Variants in CKM observed in about 807,000 individuals in gnomAD.
CKM encodes the protein creatine kinase, M-type, also known as creatine kinase M-type.
Under a neutral mutation model 35.4 loss-of-function variants are expected in CKM, and 28 were observed. The ratio of observed to expected loss-of-function variants is 0.79; its 90% CI spans 0.59 to 1.08. CKM has a LOEUF of 1.08. CKM is among the 50% of genes least tolerant of loss of function. The probability of loss-of-function intolerance (pLI) is 0.00; values close to 1 mark genes in which losing one functional copy is unlikely to be tolerated. For missense variants in CKM, 484 were observed against 509.8 expected (o/e 0.95, Z 0.49); for synonymous variants, 215 against 204.4 (o/e 1.05, Z -0.44).
chr19:45,317,853 T>C lies in CKM; in HGVS notation c.320A>G (p.Lys107Arg). 1 of 1,614,030 alleles carries C rather than the reference T, an allele frequency of 6.2e-7. No individual in the cohort carries two copies. Among genetic ancestry groups the C allele is most frequent in the Non-Finnish European group, 8.5e-7 (1 of 1,180,014 alleles). Reference protein sequence around the residue: ...HGGYKPTDKHKTDLNHENLKG... With the variant: ...HGGYKPTDKHRTDLNHENLKG... Reference sequence around the variant, plus strand: ...GAGGTTTTCATGGTTGAGGTCAGTCTTGTGCTTGTCAGTGGGTTTGTAGCC... The same window carrying C: ...GAGGTTTTCATGGTTGAGGTCAGTCCTGTGCTTGTCAGTGGGTTTGTAGCC... The change falls in exon 3 of 8, where the codon AAG becomes AGG. Residue 107 changes from lysine to arginine, a missense_variant. Coordinates refer to ENST00000221476, the MANE Select transcript of CKM (RefSeq NM_001824.5).
intron 1 of CKM, among the ~76,000 whole-genome samples, chr19:45,320,024 T>C (rs559487076): frequency 1.2e-4 from 18 of 151,770 alleles, no homozygotes; most frequent in African/African-American, 3.6e-4. Context: ...CTCCTGACCT[T>C]GTGATCCGCC....
At chr19:45,322,792 C>G in intron 1 of CKM, 29 bp downstream of exon 1, 1 of 984,456 alleles carries the variant, frequency 1.0e-6, no homozygotes, top group Non-Finnish European at 1.2e-6. Context: ...TACTCTGGCC[C>G]CCACCCAGAT....
At chr19:45,313,880 G>A (rs767083499) in intron 4 of CKM, among the ~76,000 whole-genome samples, 2 of 152,028 alleles carry the variant, frequency 1.3e-5, no homozygotes, top group Admixed American at 6.6e-5. Flanking sequence ...ATTACTGCTG[G>A]CCAGGCACTG....
intron 3 of CKM, among the ~76,000 whole-genome samples, chr19:45,317,262 C>T (rs1372142008): frequency 6.6e-6 from 1 of 152,112 alleles, no homozygotes; most frequent in Non-Finnish European, 1.5e-5. Flanking sequence ...CACGCGCCAC[C>T]ATGCCCAGCT....
At position 45,309,072 on chromosome 19, in the gene CKM, C is replaced by CA. The variant is rs201743646; in HGVS notation, c.654-541dup. Among the ~76,000 whole-genome samples the CA allele has an allele frequency of 8.6e-4, 129 of 149,262 alleles. 2 individuals carry two copies. In the South Asian group the frequency reaches 0.013, roughly 15 times the overall value. Reference sequence around the variant, plus strand: ...GAAACCCTGTCTCTACTAAAAAATACAAAAAAAAATCTGGGCATGGTGGCG... The same window carrying CA: ...GAAACCCTGTCTCTACTAAAAAATACAAAAAAAAAATCTGGGCATGGTGGCG... On this transcript the variant is annotated intron_variant, in intron 5 of 7. Coordinates refer to ENST00000221476, the MANE Select transcript of CKM (RefSeq NM_001824.5).
At position 45,306,666 on chromosome 19, in the gene CKM, G is replaced by T. The variant is rs370579433; in HGVS notation, c.*84C>A. On this transcript the variant is annotated 3_prime_UTR_variant, in exon 8 of 8. Transcript: ENST00000221476. The surrounding 1 kb of genome is among the most constrained non-coding windows in gnomAD (Gnocchi z 4.5). ...GTGGGACTCTGGGACAGGGGGCGGG[G>T]CGAGGAGTGAGGGAGCAGGACTCTG... The T allele has an allele frequency of 1.1e-4, 154 of 1,433,786 alleles. No individual in the cohort carries two copies. In the East Asian group the frequency reaches 1.2e-3, roughly 11 times the overall value. The allele number at this position is 1,433,786 out of a possible 1,614,324, so 88.8% of individuals were successfully genotyped here. A position where few individuals can be genotyped will look rare whatever the true frequency, so the allele number is the denominator to read the frequency against.
chr19:45,311,109 G>T (rs1971105645), intron 5 of CKM, among the ~76,000 whole-genome samples: 1 of 148,580 alleles, frequency 6.7e-6, no homozygotes, highest in Non-Finnish European at 1.5e-5. Context: ...GTAGCGACGT[G>T]GTCTCCCTAT....
chr19:45,306,660 G>T lies in CKM; in HGVS notation c.*90C>A. ...CCCCAGGTGGGACTCTGGGACAGGG[G>T]GCGGGGCGAGGAGTGAGGGAGCAGG... On this transcript the variant is annotated 3_prime_UTR_variant, in exon 8 of 8. Coordinates refer to ENST00000221476, the MANE Select transcript of CKM (RefSeq NM_001824.5). This position sits in a 1 kb window ranked among gnomAD's most constrained non-coding sequence, Gnocchi z 4.5. 7.2e-7 allele frequency: 1 copy of T among 1,386,446 alleles called. No homozygotes were observed. The highest frequency in any genetic ancestry group is 1.2e-5 in the South Asian group (1 of 85,618). 85.9% of individuals were successfully genotyped at this position (1,386,446 alleles called of 1,614,324 possible).
At chr19:45,322,690 G>A (rs17875641) in intron 1 of CKM, 131 bp downstream of exon 1, 36,049 of 479,766 alleles carry the variant, frequency 0.075, 1,602 homozygotes, top group Non-Finnish European at 0.085. Flanking sequence ...CCCACGCACC[G>A]ACCTGCCTTT....
At chr19:45,319,426 G>GCCC in intron 2 of CKM, 95 bp downstream of exon 2, 33 of 817,140 alleles carry the variant, frequency 4.0e-5, no homozygotes, top group Admixed American at 7.3e-5. Context: ...GAAAACTGAG[G>GCCC]CCCCCCCCCC....
chr19:45,315,494 C>T lies in CKM; in HGVS notation c.452G>A (p.Arg151His), dbSNP rs377002933. ...TLPPHCSRGE[R>H]RAVEKLSVEA... ...CACAGAGAGCTTCTCCACCGCCCGG[C>T]GCTCGCCACGGGAGCAGTGTGGGGG... The change falls in exon 4 of 8, where the codon CGC becomes CAC. Residue 151 changes from arginine (R) to histidine (H), a missense_variant. Transcript: ENST00000221476. The T allele has an allele frequency of 6.9e-6, 11 of 1,599,592 alleles. No homozygotes were observed. The highest frequency in any genetic ancestry group is 3.3e-5 in the South Asian group (3 of 91,020).
chr19:45,320,331 A>G (rs897225455), intron 1 of CKM, among the ~76,000 whole-genome samples: 2 of 138,428 alleles, frequency 1.4e-5, no homozygotes, highest in African/African-American at 2.7e-5. Flanking sequence ...TCCTGGCCTC[A>G]AGTGATCCAC....
intron 4 of CKM, among the ~76,000 whole-genome samples, chr19:45,315,163 A>C (rs1460983533): frequency 1.3e-5 from 2 of 152,106 alleles, no homozygotes; most frequent in Non-Finnish European, 2.9e-5. Context: ...AGGGACCCCT[A>C]TCTCCCCACA....
intron 4 of CKM, among the ~76,000 whole-genome samples, chr19:45,314,897 A>G (rs1971142467): frequency 6.6e-6 from 1 of 151,770 alleles, no homozygotes; most frequent in Non-Finnish European, 1.5e-5. Flanking sequence ...TTTTTTGTAG[A>G]GACAGGGTCT....
At chr19:45,310,277 A>T (rs372323593) in intron 5 of CKM, among the ~76,000 whole-genome samples, 27 of 151,500 alleles carry the variant, frequency 1.8e-4, no homozygotes, top group East Asian at 7.8e-4. Flanking sequence ...CCTGCCACCA[A>T]GCCCAGCTAA....
chr19:45,309,013 G>T (rs1478198950), intron 5 of CKM, among the ~76,000 whole-genome samples: 2 of 143,358 alleles, frequency 1.4e-5, no homozygotes, highest in Admixed American at 1.4e-4. Flanking sequence ...GGATCACAAG[G>T]TCAGGAGATC....
At chr19:45,307,873 T>G (rs1219477426) in intron 6 of CKM, among the ~76,000 whole-genome samples, 3 of 147,562 alleles carry the variant, frequency 2.0e-5, no homozygotes, top group Non-Finnish European at 3.0e-5. Flanking sequence ...CGGGTTTTTT[T>G]TTTTTTTTTT....
chr19:45,317,806 C>G lies in CKM; in HGVS notation c.348+19G>C, dbSNP rs1971173026. The stretch of plus-strand genomic sequence containing the variant: ...CTCCTCCTCACCCCTCGGCCCTCCC[C>G]TCCTGCGCAGACACCGACCTTGAGG... On this transcript the variant is annotated intron_variant, in intron 3 of 7. Transcript: ENST00000221476. 1 of 1,614,014 alleles carries G rather than the reference C, an allele frequency of 6.2e-7. No individual in the cohort carries two copies. The highest frequency in any genetic ancestry group is 1.3e-5 in the African/African-American group (1 of 75,020).
chr19:45,320,598 A>G (rs1482953445), intron 1 of CKM, among the ~76,000 whole-genome samples: 1 of 152,108 alleles, frequency 6.6e-6, no homozygotes, highest in African/African-American at 2.4e-5. Flanking sequence ...TGGAAACTCA[A>G]TTTCCCCAGG....
Sources: allele counts gnomAD v4.1 joint callset (sites outside exome capture counted in the v4.1 genomes callset), GRCh38; gene constraint gnomAD v4.1.1; non-coding constraint Gnocchi (gnomAD v3.1); transcripts MANE v1.5; gene names NCBI Gene and HGNC (gene_info 2026-07-23, HGNC 2026-07-21).